Variants in EFCAB8 observed in about 807,000 individuals in gnomAD.
The protein encoded by EFCAB8 is EF-hand calcium binding domain 8.
EFCAB8 carries 100 observed loss-of-function variants against 116.3 expected under a neutral mutation model. The ratio of observed to expected loss-of-function variants is 0.86; its 90% CI spans 0.73 to 1.02. The LOEUF is 1.02. Among genes scored for constraint, EFCAB8 ranks in the 50% least tolerant of loss-of-function variants. The pLI is 0.00. For missense variants in EFCAB8, 1,320 were observed against 1,416.9 expected (o/e 0.93, Z 1.10); for synonymous variants, 558 against 567.9 (o/e 0.98, Z 0.25).
intron 11 of EFCAB8, among the ~76,000 whole-genome samples, chr20:32,901,433 T>C (rs935761151): frequency 1.3e-5 from 2 of 152,226 alleles, no homozygotes; most frequent in Non-Finnish European, 2.9e-5. Flanking sequence ...GGGCTGTGAG[T>C]TGGACAAGCT....
chr20:32,878,451 G>A (rs952037532), intron 4 of EFCAB8, among the ~76,000 whole-genome samples: 3 of 152,042 alleles, frequency 2.0e-5, no homozygotes, highest in Non-Finnish European at 2.9e-5. Flanking sequence ...AGAGCCTATC[G>A]GAAGGGCCTG....
intron 20 of EFCAB8, among the ~76,000 whole-genome samples, chr20:32,924,057 A>AT (rs1291866148): frequency 6.6e-6 from 1 of 152,012 alleles, no homozygotes; most frequent in East Asian, 1.9e-4. Context: ...TACATGTGTT[A>AT]TTTTTTGTTT....
At chr20:32,893,069 G>A (rs1282491991) in intron 8 of EFCAB8, 105 bp from the exon 9 acceptor site, 26 of 1,391,580 alleles carry the variant, frequency 1.9e-5, no homozygotes, top group Non-Finnish European at 2.5e-5. Flanking sequence ...TCGAACTCCT[G>A]ACCTCAGGTG....
chr20:32,906,500 T>A lies in EFCAB8; in HGVS notation c.1089-62T>A, dbSNP rs1986678352. 14 of 716,566 alleles carry A rather than the reference T, an allele frequency of 2.0e-5. No homozygotes were observed. The East Asian group carries it at 3.8e-4, about 19-fold the overall frequency. 44.4% of individuals were successfully genotyped at this position (716,566 alleles called of 1,614,324 possible). A position where few individuals can be genotyped will look rare whatever the true frequency, so the allele number is the denominator to read the frequency against. On this transcript the variant is annotated intron_variant, in intron 11 of 26. Coordinates refer to ENST00000400522, the MANE Select transcript of EFCAB8 (RefSeq NM_001143967.2). ...AGCTCCTCCCACCCCAGGCTCAGTCTCAGACGCTCTCTTGGGGCCACTGCT... is the reference window on the plus strand; with the variant it reads ...AGCTCCTCCCACCCCAGGCTCAGTCACAGACGCTCTCTTGGGGCCACTGCT...
chr20:32,934,450 A>G (rs1328219649), intron 22 of EFCAB8, among the ~76,000 whole-genome samples: 2 of 152,252 alleles, frequency 1.3e-5, no homozygotes, highest in African/African-American at 4.8e-5. Context: ...TTGATATGAC[A>G]TATTGATCTC....
rs149316544 is a variant in EFCAB8, at chr20:32,884,657, G to A, written c.432-848G>A. Among the ~76,000 whole-genome samples the A allele has an allele frequency of 8.4e-3, 1,283 of 152,336 alleles. 4 individuals carry two copies. The highest frequency in any genetic ancestry group is 0.014 in the Non-Finnish European group (927 of 68,030). On this transcript the variant is annotated intron_variant, in intron 5 of 26. Coordinates refer to ENST00000400522, the MANE Select transcript of EFCAB8 (RefSeq NM_001143967.2). ...ATTTGGAAAGGGCCCTGGAGGAGGGGTCACAGTGCCTAGGTTCTAGTTCCA... is the reference window on the plus strand; with the variant it reads ...ATTTGGAAAGGGCCCTGGAGGAGGGATCACAGTGCCTAGGTTCTAGTTCCA...
intron 20 of EFCAB8, among the ~76,000 whole-genome samples, chr20:32,923,368 C>A (rs924255514): frequency 6.6e-6 from 1 of 151,950 alleles, no homozygotes; most frequent in Non-Finnish European, 1.5e-5. Flanking sequence ...CTCCTGTAGT[C>A]CCAGCTAGTC....
intron 5 of EFCAB8, among the ~76,000 whole-genome samples, chr20:32,880,575 C>G (rs961730871): frequency 4.6e-5 from 7 of 152,062 alleles, no homozygotes; most frequent in African/African-American, 1.7e-4. Flanking sequence ...CCGGCAATAA[C>G]TTAAAACAAA....
intron 11 of EFCAB8, among the ~76,000 whole-genome samples, chr20:32,904,414 C>T (rs1369383262): frequency 1.3e-5 from 2 of 150,514 alleles, no homozygotes; most frequent in Non-Finnish European, 1.5e-5. Context: ...AATCCTCCCA[C>T]CTCAGCCTTG....
chr20:32,867,619 C>T lies in EFCAB8; in HGVS notation c.80C>T (p.Ala27Val), dbSNP rs1984491730. 6.4e-7 allele frequency: 1 copy of T among 1,551,688 alleles called. No individual in the cohort carries two copies. Among genetic ancestry groups the T allele is most frequent in the Middle Eastern group, 1.7e-4 (1 of 5,992 alleles). Residue 27 changes from alanine to valine, a missense_variant, in exon 3 of 27, where the codon GCT becomes GTT. Transcript: ENST00000400522. ...CATGGCTTCCAGAACAAGGAGGCTGCTAGCTCCCCAACACCATCCATCACC... is the reference window on the plus strand; with the variant it reads ...CATGGCTTCCAGAACAAGGAGGCTGTTAGCTCCCCAACACCATCCATCACC... Reference protein sequence around the residue: ...IPHGFQNKEAASSPTPSITLS... With the variant: ...IPHGFQNKEAVSSPTPSITLS...
chr20:32,888,082 G>A (rs984304272), intron 6 of EFCAB8, among the ~76,000 whole-genome samples: 12 of 135,776 alleles, frequency 8.8e-5, no homozygotes, highest in African/African-American at 3.3e-4. Flanking sequence ...TTTTTTTTTT[G>A]AGACTGGGTC....
At chr20:32,939,815 C>CTCCCGA (rs1272379169) in intron 22 of EFCAB8, among the ~76,000 whole-genome samples, 1 of 148,172 alleles carries the variant, frequency 6.7e-6, no homozygotes, top group Non-Finnish European at 1.5e-5. Flanking sequence ...CTGCCTCAGC[C>CTCCCGA]TCCCGAGTAG....
intron 15 of EFCAB8, among the ~76,000 whole-genome samples, chr20:32,910,779 C>T (rs935836063): frequency 1.6e-5 from 2 of 123,868 alleles, no homozygotes; most frequent in African/African-American, 6.6e-5. Context: ...CTCGCTCTGT[C>T]GCCCAGGCTG....
At chr20:32,900,030 A>G (rs1986356080) in intron 11 of EFCAB8, among the ~76,000 whole-genome samples, 1 of 151,824 alleles carries the variant, frequency 6.6e-6, no homozygotes, top group South Asian at 2.1e-4. Context: ...GGGCTCTGAC[A>G]TTTTGCTTCT....
intron 23 of EFCAB8, among the ~76,000 whole-genome samples, chr20:32,949,097 A>G (rs1010719652): frequency 6.6e-6 from 1 of 152,230 alleles, no homozygotes; most frequent in African/African-American, 2.4e-5. Context: ...ATTTTACTAA[A>G]AAGAGTTAGT....
At chr20:32,887,757 T>A (rs773043025) in intron 6 of EFCAB8, among the ~76,000 whole-genome samples, 8 of 152,236 alleles carry the variant, frequency 5.3e-5, no homozygotes, top group Non-Finnish European at 1.2e-4. Context: ...ATTCTGTCTG[T>A]GCACATGCTA....
At chr20:32,911,784 A>C (rs748886024) in intron 16 of EFCAB8, 77 bp downstream of exon 16, 12 of 1,415,972 alleles carry the variant, frequency 8.5e-6, no homozygotes, top group Non-Finnish European at 9.7e-6. Flanking sequence ...CCTGGGATGC[A>C]CTATTTTTTG....
At chr20:32,907,492 G>A (rs1986731773) in intron 13 of EFCAB8, among the ~76,000 whole-genome samples, 1 of 152,198 alleles carries the variant, frequency 6.6e-6, no homozygotes, top group Non-Finnish European at 1.5e-5. Flanking sequence ...GTGCTCCTCT[G>A]CAGCTGTAGG....
chr20:32,935,598 C>T (rs1304541446), intron 22 of EFCAB8, among the ~76,000 whole-genome samples: 1 of 152,096 alleles, frequency 6.6e-6, no homozygotes, highest in Non-Finnish European at 1.5e-5. Context: ...CCTCCGCCTC[C>T]CAGGTTCAAG....
Sources: gnomAD v4.1 joint callset for allele counts (sites outside exome capture counted in the v4.1 genomes callset) on GRCh38, gnomAD v4.1.1 for gene constraint, MANE v1.5 for transcripts, NCBI Gene and HGNC (gene_info 2026-07-23, HGNC 2026-07-21) for gene names.